The following EFCAB13 variants were observed in gnomAD, a reference collection of about 807,000 sequenced individuals.
EFCAB13 encodes the protein EF-hand calcium-binding domain-containing protein 13.
Under a neutral mutation model 110.2 loss-of-function variants are expected in EFCAB13, and 91 were observed. The observed-to-expected ratio is 0.83, with a 90% confidence interval of 0.70 to 0.98. The LOEUF (loss-of-function observed/expected upper bound fraction) is 0.98, where lower values mean the gene tolerates loss of function less well. Ranked by LOEUF, EFCAB13 falls within the 50% of genes least tolerant of loss-of-function variation. The pLI is 0.00. For synonymous variants in EFCAB13, 323 were observed against 369.9 expected (o/e 0.87, Z 1.45); for missense variants, 968 against 1,119.4 (o/e 0.86, Z 1.93).
At chr17:47,384,425 TG>T (rs1287675060) in intron 14 of EFCAB13, among the ~76,000 whole-genome samples, 2 of 151,380 alleles carry the variant, frequency 1.3e-5, no homozygotes, top group African/African-American at 4.8e-5. Context: ...TATATACGAC[TG>T]TTTTTTTTTT....
At chr17:47,355,037 CCTTTTAGCAGTT>C (rs930973987) in intron 9 of EFCAB13, among the ~76,000 whole-genome samples, 15 of 152,214 alleles carry the variant, frequency 9.9e-5, no homozygotes, top group Middle Eastern at 3.4e-3. Flanking sequence ...ATTTAGAGCT[CCTTTTAGCAGTT>C]CTTTTAGCAG....
At position 47,398,480 on chromosome 17, in the gene EFCAB13, G is replaced by A. The variant is rs377635144; in HGVS notation, c.1945+2503G>A. Among the ~76,000 whole-genome samples the A allele has an allele frequency of 4.9e-3, 745 of 151,030 alleles. 2 individuals are homozygous for A. Among genetic ancestry groups the A allele is most frequent in the Middle Eastern group, 0.01 (3 of 292 alleles). ...TGGTTGCCGTGTCTGTGTAGAAAGA[G>A]GTAGACATGGGAGACTTTTCATTTT... On this transcript the variant is annotated intron_variant, in intron 17 of 24. Transcript: ENST00000331493.
intron 15 of EFCAB13, among the ~76,000 whole-genome samples, chr17:47,392,654 C>A (rs2143414016): frequency 6.6e-6 from 1 of 152,042 alleles, no homozygotes; most frequent in East Asian, 1.9e-4. Flanking sequence ...GAAAGAAGGA[C>A]CATTTAATAA....
At chr17:47,389,991 C>A (rs1598745888) in intron 14 of EFCAB13, among the ~76,000 whole-genome samples, 2 of 152,232 alleles carry the variant, frequency 1.3e-5, no homozygotes. Flanking sequence ...TTTAAATAAT[C>A]ATTTTAAGAA....
At chr17:47,327,034 ATG>A (rs1156763150) in intron 3 of EFCAB13, among the ~76,000 whole-genome samples, 1 of 152,234 alleles carries the variant, frequency 6.6e-6, no homozygotes, top group African/African-American at 2.4e-5. Flanking sequence ...AGCTCATAAA[ATG>A]TAACTCAGAT....
At chr17:47,398,442 T>C (rs1181787805) in intron 17 of EFCAB13, among the ~76,000 whole-genome samples, 4 of 151,248 alleles carry the variant, frequency 2.6e-5, no homozygotes, top group Admixed American at 1.3e-4. Context: ...GGGGAAAAGA[T>C]TGAGAAATCG....
chr17:47,423,582 C>G, intron 23 of EFCAB13: 3 of 330,274 alleles, frequency 9.1e-6, no homozygotes, highest in East Asian at 4.6e-5. Context: ...CCTTTGTGCC[C>G]GGTCCTGGGA....
At chr17:47,373,622 T>A (rs1161090657) in intron 11 of EFCAB13, among the ~76,000 whole-genome samples, 1 of 152,168 alleles carries the variant, frequency 6.6e-6, no homozygotes, top group Admixed American at 6.5e-5. Context: ...AAATCAGAAG[T>A]GTCAAAGATT....
intron 10 of EFCAB13, 125 bp downstream of exon 10, chr17:47,361,646 T>C: frequency 5.4e-6 from 4 of 742,736 alleles, no homozygotes; most frequent in African/African-American, 1.8e-5. Context: ...TCTTACCTTT[T>C]GCCATTGACA....
intron 23 of EFCAB13, among the ~76,000 whole-genome samples, chr17:47,416,125 G>C (rs1904433680): frequency 6.6e-6 from 1 of 152,078 alleles, no homozygotes; most frequent in Non-Finnish European, 1.5e-5. Flanking sequence ...TTTTAGAATT[G>C]AGACATAATT....
At chr17:47,336,717 G>A (rs947522718) in intron 5 of EFCAB13, among the ~76,000 whole-genome samples, 1 of 151,402 alleles carries the variant, frequency 6.6e-6, no homozygotes, top group Non-Finnish European at 1.5e-5. Context: ...GGGATTACAA[G>A]CGTGAGCCAC....
intron 5 of EFCAB13, among the ~76,000 whole-genome samples, chr17:47,335,884 C>G (rs377136561): frequency 1.3e-5 from 2 of 152,192 alleles, no homozygotes; most frequent in African/African-American, 4.8e-5. Flanking sequence ...TACCAGGTCT[C>G]TCCCCCAATA....
chr17:47,392,220 T>C (rs1043657822), intron 15 of EFCAB13, among the ~76,000 whole-genome samples: 1 of 152,188 alleles, frequency 6.6e-6, no homozygotes, highest in Non-Finnish European at 1.5e-5. Context: ...GATACCTGTA[T>C]AGAGAAAATA....
intron 11 of EFCAB13, 41 bp downstream of exon 11, chr17:47,370,549 T>C (rs751982159): frequency 5.9e-5 from 78 of 1,325,100 alleles, no homozygotes; most frequent in Non-Finnish European, 1.5e-5. Context: ...TTGTTTATAA[T>C]TAAAGTCTTT....
intron 22 of EFCAB13, 130 bp from the exon 23 acceptor site, chr17:47,414,718 T>C: frequency 1.5e-6 from 1 of 666,696 alleles, no homozygotes; most frequent in South Asian, 1.7e-5. Context: ...ATTGAAATAG[T>C]TTCAATCATT....
chr17:47,406,102 AATTT>A (rs144541212), intron 20 of EFCAB13, among the ~76,000 whole-genome samples: 88 of 152,194 alleles, frequency 5.8e-4, no homozygotes, highest in Non-Finnish European at 1.1e-3. Context: ...ATTTCAAAGC[AATTT>A]ATTTATTTAT....
rs964691009 is a variant in EFCAB13, at chr17:47,393,009, A to G, written c.1727-1016A>G. Among the ~76,000 whole-genome samples the G allele has an allele frequency of 2.6e-5, 4 of 152,338 alleles. No individual in the cohort carries two copies. In the East Asian group the frequency reaches 7.7e-4, roughly 29 times the overall value. On this transcript the variant is annotated intron_variant, in intron 15 of 24. Coordinates refer to ENST00000331493, the MANE Select transcript of EFCAB13 (RefSeq NM_152347.5). The stretch of plus-strand genomic sequence containing the variant: ...AACAGATATTATAGAAGTTTTCCAC[A>G]TGAAGACACAAGTTGCTAATAATCA...
chr17:47,423,279 A>G (rs1405275899), intron 23 of EFCAB13: 2 of 152,220 alleles, frequency 1.3e-5, no homozygotes, highest in African/African-American at 4.8e-5. Context: ...GAGAAAATAC[A>G]CAATAATATA....
At chr17:47,411,240 C>G (rs17676275) in intron 21 of EFCAB13, among the ~76,000 whole-genome samples, 2,396 of 152,294 alleles carry the variant, frequency 0.016, 36 homozygotes, top group Middle Eastern at 0.072. Flanking sequence ...TTTATCATTT[C>G]TGCATTTGTA....
Sources: gnomAD v4.1 joint callset for allele counts (sites outside exome capture counted in the v4.1 genomes callset) on GRCh38, gnomAD v4.1.1 for gene constraint, MANE v1.5 for transcripts, NCBI Gene and HGNC (gene_info 2026-07-23, HGNC 2026-07-21) for gene names.